Variants in CSMD2 observed in about 807,000 individuals in gnomAD.
The protein encoded by CSMD2 is CUB and sushi domain-containing protein 2.
A neutral mutation model predicts 398.5 loss-of-function variants in CSMD2; 130 were observed. That is an observed-to-expected ratio of 0.33 (90% CI 0.28 to 0.38). The LOEUF (loss-of-function observed/expected upper bound fraction) is 0.38. Ranked by LOEUF, CSMD2 falls within the 10% of genes least tolerant of loss-of-function variation. The pLI, the probability that CSMD2 is intolerant of heterozygous loss-of-function variation, is 1.00. For missense variants in CSMD2, 3,829 were observed against 4,764.9 expected (o/e 0.80, Z 5.78); for synonymous variants, 1,828 against 1,908.5 (o/e 0.96, Z 1.10).
At chr1:33,740,682 G>A (rs941330407) in intron 14 of CSMD2, among the ~76,000 whole-genome samples, 4 of 152,224 alleles carry the variant, frequency 2.6e-5, no homozygotes, top group Middle Eastern at 6.8e-3. Context: ...CTATGACCAC[G>A]AAGTCACCCT....
chr1:33,757,052 C>A (rs1046281486), intron 13 of CSMD2, among the ~76,000 whole-genome samples: 1 of 150,614 alleles, frequency 6.6e-6, no homozygotes, highest in African/African-American at 2.4e-5. Flanking sequence ...TAAACTATCA[C>A]AAGGACAAAA....
intron 41 of CSMD2, among the ~76,000 whole-genome samples, chr1:33,610,336 G>C (rs1640912068): frequency 6.6e-6 from 1 of 151,934 alleles, no homozygotes; most frequent in Non-Finnish European, 1.5e-5. Flanking sequence ...AAATGCTTCG[G>C]TCAGTCACAA....
At chr1:34,162,950 C>G (rs1360235358) in intron 1 of CSMD2, among the ~76,000 whole-genome samples, 1 of 152,170 alleles carries the variant, frequency 6.6e-6, no homozygotes, top group Non-Finnish European at 1.5e-5. Context: ...GGAACTACCC[C>G]AAGCCATGAA....
chr1:34,161,059 T>C (rs939460346), intron 1 of CSMD2, among the ~76,000 whole-genome samples: 1 of 152,134 alleles, frequency 6.6e-6, no homozygotes, highest in Non-Finnish European at 1.5e-5. Context: ...TCGAGAATAA[T>C]TGAGGATATG....
chr1:34,001,682 T>C (rs905860740), intron 3 of CSMD2, among the ~76,000 whole-genome samples: 4 of 152,094 alleles, frequency 2.6e-5, no homozygotes, highest in Admixed American at 2.6e-4. Flanking sequence ...GAATGTAAAA[T>C]GTATGGCAAG....
At chr1:33,877,078 C>T (rs1640890300) in intron 5 of CSMD2, among the ~76,000 whole-genome samples, 1 of 152,166 alleles carries the variant, frequency 6.6e-6, no homozygotes, top group South Asian at 2.1e-4. Flanking sequence ...AATGCTGCAG[C>T]ACAAGCCCTC....
chr1:33,792,054 G>A (rs1373540237), intron 11 of CSMD2, among the ~76,000 whole-genome samples: 1 of 152,140 alleles, frequency 6.6e-6, no homozygotes, highest in Non-Finnish European at 1.5e-5. Context: ...CTCTGTCTGA[G>A]GTCAGGCTGC....
chr1:34,087,566 A>G (rs1391658237), intron 2 of CSMD2, among the ~76,000 whole-genome samples: 1 of 151,258 alleles, frequency 6.6e-6, no homozygotes, highest in Non-Finnish European at 1.5e-5. Flanking sequence ...ATGTATACCT[A>G]TGTAACAAAC....
At chr1:33,934,813 T>C (rs1023617719) in intron 4 of CSMD2, among the ~76,000 whole-genome samples, 1 of 132,972 alleles carries the variant, frequency 7.5e-6, no homozygotes, top group Non-Finnish European at 1.6e-5. Context: ...CTGGGCAACA[T>C]AGAGAGACTC....
chr1:33,620,611 G>A (rs1641707515), intron 37 of CSMD2, among the ~76,000 whole-genome samples: 1 of 152,096 alleles, frequency 6.6e-6, no homozygotes, highest in East Asian at 1.9e-4. Context: ...ACATTTAAGA[G>A]CTCAAAATAT....
chr1:34,012,613 T>G (rs1004557890), intron 3 of CSMD2, among the ~76,000 whole-genome samples: 6 of 152,118 alleles, frequency 3.9e-5, no homozygotes, highest in Admixed American at 3.9e-4. Context: ...GGCTAATGTT[T>G]GTAATTTTAT....
chr1:33,595,095 T>C (rs960948079), intron 44 of CSMD2, among the ~76,000 whole-genome samples: 1 of 152,242 alleles, frequency 6.6e-6, no homozygotes, highest in African/African-American at 2.4e-5. Flanking sequence ...CTCATTCAAG[T>C]TTCACCTGTT....
chr1:34,136,461 T>A (rs1638761991), intron 1 of CSMD2, among the ~76,000 whole-genome samples: 1 of 152,234 alleles, frequency 6.6e-6, no homozygotes, highest in South Asian at 2.1e-4. Context: ...TCAGAGATCA[T>A]GAAGACAGTG....
chr1:33,817,303 A>T (rs1657579671), intron 9 of CSMD2, among the ~76,000 whole-genome samples: 1 of 152,198 alleles, frequency 6.6e-6, no homozygotes. Flanking sequence ...GAAGGCAGGA[A>T]TATTAACCTG....
At chr1:34,138,248 C>T (rs12095834) in intron 1 of CSMD2, among the ~76,000 whole-genome samples, 33,504 of 152,116 alleles carry the variant, frequency 0.22, 4,154 homozygotes, top group South Asian at 0.41. Flanking sequence ...GGGTTTGAGG[C>T]ATGTACATTG....
intron 44 of CSMD2, among the ~76,000 whole-genome samples, chr1:33,596,679 G>A (rs1439233495): frequency 1.3e-5 from 2 of 152,164 alleles, no homozygotes; most frequent in Non-Finnish European, 2.9e-5. Context: ...ACCAGATCTC[G>A]TGAGAACTAA....
At chr1:34,101,214 G>A (rs545618148) in intron 1 of CSMD2, among the ~76,000 whole-genome samples, 8 of 152,216 alleles carry the variant, frequency 5.3e-5, no homozygotes, top group South Asian at 4.2e-4. Flanking sequence ...CCATTTTGAC[G>A]GCACCTTGCA....
chr1:33,861,941 T>C (rs1380128319), intron 5 of CSMD2, among the ~76,000 whole-genome samples: 1 of 43,840 alleles, frequency 2.3e-5, no homozygotes, highest in Non-Finnish European at 3.5e-5. Context: ...CCTCCATCTC[T>C]GATCTCCTGA....
intron 1 of CSMD2, among the ~76,000 whole-genome samples, chr1:34,133,400 G>A (rs182838065): frequency 6.6e-6 from 1 of 152,280 alleles, no homozygotes; most frequent in Admixed American, 6.5e-5. Flanking sequence ...GGAGGCTCAG[G>A]TGGGTGGGTC....
Sources: allele counts gnomAD v4.1 joint callset (sites outside exome capture counted in the v4.1 genomes callset), GRCh38; gene constraint gnomAD v4.1.1; transcripts MANE v1.5; gene names NCBI Gene and HGNC (gene_info 2026-07-23, HGNC 2026-07-21).